The following ME2 variants were observed in gnomAD, a reference collection of about 807,000 sequenced individuals.
ME2 encodes the protein malic enzyme 2.
A neutral mutation model predicts 73.7 loss-of-function variants in ME2; 60 were observed. The ratio of observed to expected loss-of-function variants is 0.81; its 90% CI spans 0.66 to 1.01. The LOEUF is 1.01. Ranked by LOEUF, ME2 falls within the 50% of genes least tolerant of loss-of-function variation. The pLI is 0.00. For synonymous variants in ME2, 199 were observed against 236.9 expected, an observed-to-expected ratio of 0.84 and a Z score of 1.47; for missense variants, 594 against 705.5, an observed-to-expected ratio of 0.84 and a Z score of 1.79.
At chr18:50,945,319 T>C (rs614152) in intron 15 of ME2, 74,899 of 151,870 alleles carry the variant, frequency 0.49, 18,970 homozygotes, top group South Asian at 0.67. Context: ...GGTTTCACCA[T>C]GTTGGCCAGC....
chr18:50,947,013 T>C lies in ME2; in HGVS notation c.1588-4T>C. The C allele has an allele frequency of 6.2e-7, 1 of 1,608,886 alleles. No homozygotes were observed. Among genetic ancestry groups the C allele is most frequent in the Non-Finnish European group, 8.5e-7 (1 of 1,175,660 alleles). On this transcript the variant is annotated splice_polypyrimidine_tract_variant and splice_region_variant and intron_variant, in intron 15 of 15. Transcript: ENST00000321341. ...CCTACACAATAACCTTACTTATTTT[T>C]CAGGTTACAGAATACCTATATGCTA...
At chr18:50,892,389 G>T (rs533703084) in intron 1 of ME2, among the ~76,000 whole-genome samples, 22 of 152,242 alleles carry the variant, frequency 1.4e-4, no homozygotes, top group African/African-American at 5.1e-4. Context: ...AAATAAAAAT[G>T]TAAGCTCTGT....
rs2144284129 is a variant in ME2, at chr18:50,949,710, A to T, written c.*2526A>T. 6.6e-6 allele frequency: 1 copy of T among 152,338 alleles called. No individual in the cohort carries two copies. Among genetic ancestry groups the T allele is most frequent in the East Asian group, 1.9e-4 (1 of 5,188 alleles). 9.4% of individuals were successfully genotyped at this position (152,338 alleles called of 1,614,324 possible). A position where few individuals can be genotyped will look rare whatever the true frequency, so the allele number is the denominator to read the frequency against. ...ATTAAGTATGCCTGGTACAGTCTTCATGGAAGTTATTAAGTATTTTAAGGA... is the reference window on the plus strand; with the variant it reads ...ATTAAGTATGCCTGGTACAGTCTTCTTGGAAGTTATTAAGTATTTTAAGGA... On this transcript the variant is annotated 3_prime_UTR_variant, in exon 16 of 16. Coordinates refer to ENST00000321341, the MANE Select transcript of ME2 (RefSeq NM_002396.5).
In ME2 at chr18:50,879,926, T is replaced by A. The variant is rs556563589; in HGVS notation, c.-13+618T>A. ...GGTGTTACCTAGGTGGTCCTAGGTTTCGACTTTCTTTTTTGGTTCCAGAGA... is the reference window on the plus strand; with the variant it reads ...GGTGTTACCTAGGTGGTCCTAGGTTACGACTTTCTTTTTTGGTTCCAGAGA... On this transcript the variant is annotated intron_variant, in intron 1 of 15. Transcript: ENST00000321341. Among the ~76,000 whole-genome samples, 9 of 152,330 alleles carry A rather than the reference T, an allele frequency of 5.9e-5. No homozygotes were observed. The South Asian group carries it at 1.9e-3, about 32-fold the overall frequency.
intron 2 of ME2, among the ~76,000 whole-genome samples, chr18:50,905,485 A>G (rs1916997389): frequency 6.6e-6 from 1 of 152,218 alleles, no homozygotes; most frequent in Admixed American, 6.5e-5. Flanking sequence ...TTCTGAGCCA[A>G]ATATGAGTGA....
At chr18:50,883,455 G>A (rs895609886) in intron 1 of ME2, among the ~76,000 whole-genome samples, 2 of 152,176 alleles carry the variant, frequency 1.3e-5, no homozygotes, top group Non-Finnish European at 2.9e-5. Flanking sequence ...CCACCCAGAG[G>A]GTGAGTTCCA....
rs372141431 is a variant in ME2 at position 50,917,520 on chromosome 18, C to G, written c.630+12C>G. ...GAACTGATAATATCGTGAGTAACAT[C>G]ATTTTCCCCCTTTATCTTCCTCCTG... On this transcript the variant is annotated intron_variant, in intron 6 of 15. Transcript: ENST00000321341. 8 of 1,537,348 alleles carry G rather than the reference C, an allele frequency of 5.2e-6. No individual in the cohort carries two copies. Among genetic ancestry groups the G allele is most frequent in the Non-Finnish European group, 7.1e-6 (8 of 1,129,744 alleles).
chr18:50,915,911 A>G (rs1445602961), intron 4 of ME2: 5 of 308,206 alleles, frequency 1.6e-5, no homozygotes, highest in Non-Finnish European at 2.4e-5. Flanking sequence ...TTTGAACATG[A>G]GATGTGGTTA....
chr18:50,910,823 G>A (rs1163215155), intron 3 of ME2, among the ~76,000 whole-genome samples: 1 of 152,204 alleles, frequency 6.6e-6, no homozygotes, highest in Non-Finnish European at 1.5e-5. Context: ...TAATGACAGG[G>A]AGAGATTTGC....
At chr18:50,881,704 A>C (rs1406192052) in intron 1 of ME2, among the ~76,000 whole-genome samples, 1 of 152,194 alleles carries the variant, frequency 6.6e-6, no homozygotes, top group East Asian at 1.9e-4. Flanking sequence ...CTCTTATATT[A>C]ATTTGATCAT....
intron 2 of ME2, among the ~76,000 whole-genome samples, chr18:50,898,828 A>G (rs1916815509): frequency 6.6e-6 from 1 of 152,236 alleles, no homozygotes; most frequent in Non-Finnish European, 1.5e-5. Flanking sequence ...ACTAGCCATG[A>G]AACTTTGGCA....
intron 1 of ME2, among the ~76,000 whole-genome samples, chr18:50,886,406 G>A (rs556986572): frequency 2.2e-4 from 34 of 151,948 alleles, no homozygotes; most frequent in Middle Eastern, 3.4e-3. Flanking sequence ...ACCCTGCCCA[G>A]CTAATTTTTG....
chr18:50,913,074 C>T (rs80176799), intron 4 of ME2, 124 bp downstream of exon 4: 15,741 of 824,528 alleles, frequency 0.019, 223 homozygotes, highest in South Asian at 0.041. Flanking sequence ...CTCAGAAAAA[C>T]GTAATTTTGA....
At chr18:50,923,370 C>T (rs1917472924) in intron 10 of ME2, among the ~76,000 whole-genome samples, 1 of 152,152 alleles carries the variant, frequency 6.6e-6, no homozygotes, top group Non-Finnish European at 1.5e-5. Context: ...CTTGATGTGA[C>T]TATTCATAAG....
chr18:50,887,931 C>T (rs1916512658), intron 1 of ME2, among the ~76,000 whole-genome samples: 1 of 151,948 alleles, frequency 6.6e-6, no homozygotes, highest in Admixed American at 6.6e-5. Flanking sequence ...AACTGGTGAC[C>T]ATAAAACAGA....
chr18:50,896,483 G>T (rs978820475), intron 2 of ME2, among the ~76,000 whole-genome samples: 3 of 152,172 alleles, frequency 2.0e-5, no homozygotes, highest in Non-Finnish European at 4.4e-5. Flanking sequence ...AAAGTGACGT[G>T]CAATATTGAG....
At chr18:50,941,399 C>T (rs1352798185) in intron 15 of ME2, among the ~76,000 whole-genome samples, 3 of 92,804 alleles carry the variant, frequency 3.2e-5, no homozygotes, top group African/African-American at 1.0e-4. Context: ...CAGAGTCTTG[C>T]TCTGTCACCC....
At chr18:50,935,503 G>A (rs773741094) in intron 13 of ME2, 5 of 151,572 alleles carry the variant, frequency 3.3e-5, no homozygotes, top group East Asian at 3.9e-4. Context: ...AGCACTTTGC[G>A]AGACCAAGGT....
At position 50,947,310 on chromosome 18, in the gene ME2, A is replaced by AT. The variant is rs1740679285; in HGVS notation, c.*132dup. 8 of 914,810 alleles carry AT rather than the reference A, an allele frequency of 8.7e-6. No homozygotes were observed. Among genetic ancestry groups the AT allele is most frequent in the Non-Finnish European group, 1.2e-5 (7 of 603,826 alleles). The allele number at this position is 914,810 out of a possible 1,614,324, so 56.7% of individuals were successfully genotyped here. On this transcript the variant is annotated 3_prime_UTR_variant, in exon 16 of 16. Transcript: ENST00000321341. ...TCTCCCTGACCACTTTGGTTGATGT[A>AT]TTTTTTCCATGCGTCTCCACATCTG...
Sources: gnomAD v4.1 joint callset for allele counts (sites outside exome capture counted in the v4.1 genomes callset) on GRCh38, gnomAD v4.1.1 for gene constraint, MANE v1.5 for transcripts, NCBI Gene and HGNC (gene_info 2026-07-23, HGNC 2026-07-21) for gene names.